MALRD1: variants seen among roughly 807,000 people sequenced by gnomAD.
MALRD1 encodes the protein MAM and LDL receptor class A domain containing 1.
Under a neutral mutation model 242.1 loss-of-function variants are expected in MALRD1, and 247 were observed. The ratio of observed to expected loss-of-function variants is 1.02; its 90% CI spans 0.92 to 1.13. The LOEUF is 1.13. Among genes scored for constraint, MALRD1 ranks in the 50% most tolerant of loss-of-function variants. MALRD1 has a pLI of 0.00. For missense variants in MALRD1, 2,989 were observed against 2,533.1 expected (o/e 1.18, Z -3.86); for synonymous variants, 995 against 866.6 (o/e 1.15, Z -2.60).
At chr10:19,565,545 A>G (rs1256967789) in intron 32 of MALRD1, among the ~76,000 whole-genome samples, 1 of 152,188 alleles carries the variant, frequency 6.6e-6, no homozygotes, top group Non-Finnish European at 1.5e-5. Flanking sequence ...GGTTCTGTAT[A>G]GTATGCTCTA....
chr10:19,171,445 T>C (rs369432307), intron 13 of MALRD1, among the ~76,000 whole-genome samples: 19 of 118,204 alleles, frequency 1.6e-4, no homozygotes, highest in Non-Finnish European at 3.3e-4. Context: ...TATATATATA[T>C]ATATATATAT....
chr10:19,357,494 TTTA>T (rs1377584123), intron 26 of MALRD1, among the ~76,000 whole-genome samples: 9 of 152,188 alleles, frequency 5.9e-5, no homozygotes, highest in African/African-American at 2.2e-4. Context: ...GCACGTTTCT[TTTA>T]TTTGCTTTGG....
chr10:19,174,060 A>G (rs1203639720), intron 13 of MALRD1, among the ~76,000 whole-genome samples: 1 of 152,200 alleles, frequency 6.6e-6, no homozygotes, highest in African/African-American at 2.4e-5. Context: ...CTCTATGTTT[A>G]TGCTTAAGTT....
rs1833609594 is a variant in MALRD1, at chr10:19,418,855, A to T, written c.4845+29246A>T. 3.9e-5 allele frequency among the ~76,000 whole-genome samples: 6 copies of T among 152,314 alleles called. No homozygotes were observed. The South Asian group carries it at 1.2e-3, about 32-fold the overall frequency. ...ATCTTAGCTCAGGTTATCACATAGC[A>T]GTTTTGGGATTGGCCTCCTTTCATT... On this transcript the variant is annotated intron_variant, in intron 28 of 39. Coordinates refer to ENST00000454679, the MANE Select transcript of MALRD1 (RefSeq NM_001142308.3).
intron 33 of MALRD1, among the ~76,000 whole-genome samples, chr10:19,571,398 T>G (rs2131473189): frequency 6.6e-6 from 1 of 152,266 alleles, no homozygotes. Flanking sequence ...AACAATTATA[T>G]ATATGCCTCA....
At chr10:19,047,003 A>G (rs1834353791), upstream of MALRD1, among the ~76,000 whole-genome samples, 1 of 152,180 alleles carries the variant, frequency 6.6e-6, no homozygotes, top group Non-Finnish European at 1.5e-5. Flanking sequence ...TTTGTAAGCT[A>G]CATTCAGAGT....
intron 2 of MALRD1, among the ~76,000 whole-genome samples, chr10:19,085,745 C>T (rs749167194): frequency 2.6e-5 from 4 of 151,756 alleles, no homozygotes; most frequent in Non-Finnish European, 4.4e-5. Context: ...TATTTAATAA[C>T]TTAATGTGTC....
chr10:19,112,923 G>A (rs1031608941), intron 5 of MALRD1, among the ~76,000 whole-genome samples: 5 of 152,084 alleles, frequency 3.3e-5, no homozygotes, highest in African/African-American at 1.2e-4. Context: ...CACTCAAAAA[G>A]TTAAGAGTAA....
chr10:19,114,349 T>C (rs777403128), intron 5 of MALRD1, among the ~76,000 whole-genome samples: 1 of 152,206 alleles, frequency 6.6e-6, no homozygotes, highest in Non-Finnish European at 1.5e-5. Context: ...AGTTCTAACA[T>C]AGCCGTCTTG....
At chr10:19,442,947 C>T (rs1271505203) in intron 28 of MALRD1, among the ~76,000 whole-genome samples, 1 of 152,126 alleles carries the variant, frequency 6.6e-6, no homozygotes, top group Non-Finnish European at 1.5e-5. Flanking sequence ...TCCATCTCGT[C>T]CTGGACTTTT....
chr10:19,201,490 A>G (rs1836539362), intron 14 of MALRD1, among the ~76,000 whole-genome samples: 1 of 152,162 alleles, frequency 6.6e-6, no homozygotes, highest in Non-Finnish European at 1.5e-5. Context: ...GCTATGGGAG[A>G]TAGATATTAT....
chr10:19,217,870 C>T (rs1282402470), intron 18 of MALRD1, among the ~76,000 whole-genome samples: 2 of 152,162 alleles, frequency 1.3e-5, no homozygotes, highest in African/African-American at 2.4e-5. Context: ...TGTGAGATCA[C>T]TGAATGCAGG....
chr10:19,730,841 C>A, intron 39 of MALRD1, 60 bp downstream of exon 39: 3 of 1,386,778 alleles, frequency 2.2e-6, no homozygotes, highest in Non-Finnish European at 9.9e-7. Context: ...CAAACACACA[C>A]ACACACACAG....
chr10:19,325,006 C>CTT (rs34290618), intron 22 of MALRD1, among the ~76,000 whole-genome samples: 2,173 of 77,936 alleles, frequency 0.028, 86 homozygotes, highest in Non-Finnish European at 0.035. Flanking sequence ...TCAGTAGTTG[C>CTT]TTTTTTTTTT....
At chr10:19,232,973 C>G (rs1162779319) in intron 18 of MALRD1, among the ~76,000 whole-genome samples, 1 of 152,114 alleles carries the variant, frequency 6.6e-6, no homozygotes, top group East Asian at 1.9e-4. Flanking sequence ...TCTGCTAGAT[C>G]CCAGGACTGA....
chr10:19,699,471 C>T (rs571316230), intron 38 of MALRD1, among the ~76,000 whole-genome samples: 22 of 152,122 alleles, frequency 1.4e-4, no homozygotes, highest in South Asian at 1.2e-3. Flanking sequence ...AGTGCTCATT[C>T]GGGTGAGGTG....
intron 18 of MALRD1, among the ~76,000 whole-genome samples, chr10:19,235,853 T>C (rs952506326): frequency 1.3e-5 from 2 of 152,040 alleles, no homozygotes; most frequent in African/African-American, 4.8e-5. Context: ...AGATGAGTTG[T>C]TTTTAAGGTA....
chr10:19,350,134 T>C lies in MALRD1; in HGVS notation c.4150-1872T>C, dbSNP rs564533020. On this transcript the variant is annotated intron_variant, in intron 25 of 39. Coordinates refer to ENST00000454679, the MANE Select transcript of MALRD1 (RefSeq NM_001142308.3). ...CCCAGATTTTTATGAGAATCACCTC[T>C]GCCCCTTCATCTTGTGGAATACCTT... Among the ~76,000 whole-genome samples the C allele has an allele frequency of 8.4e-4, 128 of 152,242 alleles. 1 individual carries two copies. Among genetic ancestry groups the C allele is most frequent in the African/African-American group, 3.1e-3 (127 of 41,550 alleles).
At chr10:19,346,686 C>T (rs1186472847) in intron 24 of MALRD1, among the ~76,000 whole-genome samples, 1 of 152,126 alleles carries the variant, frequency 6.6e-6, no homozygotes, top group African/African-American at 2.4e-5. Context: ...GAGTCTCGCT[C>T]TATCACCCAG....
Sources: allele counts gnomAD v4.1 joint callset (sites outside exome capture counted in the v4.1 genomes callset), GRCh38; gene constraint gnomAD v4.1.1; transcripts MANE v1.5; gene names NCBI Gene and HGNC (gene_info 2026-07-23, HGNC 2026-07-21).